NMRAL1: variants seen among roughly 807,000 people sequenced by gnomAD.
NMRAL1 encodes nmrA-like family domain-containing protein 1.
NMRAL1 carries 32 observed loss-of-function variants against 27.5 expected under a neutral mutation model. That is an observed-to-expected ratio of 1.16 (90% CI 0.88 to 1.56). The LOEUF (loss-of-function observed/expected upper bound fraction) is 1.56. Among genes scored for constraint, NMRAL1 ranks in the 40% most tolerant of loss-of-function variants. The pLI, the probability that NMRAL1 is intolerant of heterozygous loss-of-function variation, is 0.00. For synonymous variants in NMRAL1, 166 were observed against 166.8 expected (o/e 1.00, Z 0.04); for missense variants, 420 against 392.0 (o/e 1.07, Z -0.60).
intron 2 of NMRAL1, among the ~76,000 whole-genome samples, chr16:4,472,669 G>C (rs1432883608): frequency 1.3e-5 from 2 of 151,252 alleles, no homozygotes; most frequent in African/African-American, 4.9e-5. Context: ...GCTTGAACCC[G>C]AGTGGCAGAA....
intron 2 of NMRAL1, among the ~76,000 whole-genome samples, chr16:4,471,799 A>G (rs2057577207): frequency 6.6e-6 from 1 of 151,976 alleles, no homozygotes; most frequent in African/African-American, 2.4e-5. Context: ...GAGGCCGGGC[A>G]CAGTAGCTCA....
At chr16:4,465,566 TTTTGTTTTG>T (rs2057289885) in intron 4 of NMRAL1, among the ~76,000 whole-genome samples, 1 of 152,130 alleles carries the variant, frequency 6.6e-6, no homozygotes, top group African/African-American at 2.4e-5. Context: ...TTTTGTTTTG[TTTTGTTTTG>T]TTTGTTTTGA....
At chr16:4,464,827 T>C (rs1327100609) in intron 4 of NMRAL1, among the ~76,000 whole-genome samples, 1 of 151,654 alleles carries the variant, frequency 6.6e-6, no homozygotes, top group Non-Finnish European at 1.5e-5. Context: ...AAGTTAGCCA[T>C]GATGGTCTCG....
intron 2 of NMRAL1, among the ~76,000 whole-genome samples, chr16:4,470,278 C>T (rs1340312963): frequency 1.3e-5 from 2 of 150,504 alleles, no homozygotes; most frequent in African/African-American, 2.5e-5. Context: ...GAGAACAGCC[C>T]GACCAACATG....
At position 4,463,653 on chromosome 16, in the gene NMRAL1, G is replaced by A; in HGVS notation, c.720+7C>T. 1.2e-6 allele frequency: 2 copies of A among 1,612,392 alleles called. No homozygotes were observed. Among genetic ancestry groups the A allele is most frequent in the Non-Finnish European group, 1.7e-6 (2 of 1,179,848 alleles). ...GATGCCTGAGTCACCTGGGGCGGGA[G>A]GCCCACCTTGGCATCGTGCACGACC... On this transcript the variant is annotated splice_region_variant and intron_variant, in intron 5 of 5. Coordinates refer to ENST00000283429, the MANE Select transcript of NMRAL1 (RefSeq NM_020677.6).
In NMRAL1 at chr16:4,471,265, A is replaced by C. The variant is rs914693654; in HGVS notation, c.41-1800T>G. 4.5e-4 allele frequency: 69 copies of C among 152,212 alleles called. 1 individual carries two copies. Among genetic ancestry groups the C allele is most frequent in the Admixed American group, 4.4e-3 (67 of 15,266 alleles). 9.4% of individuals were successfully genotyped at this position (152,212 alleles called of 1,614,324 possible). The stretch of plus-strand genomic sequence containing the variant: ...GAAAGGAATACAAAAACTTATTCAG[A>C]TCTCGATGGAGCTTGAGTCACACAG... On this transcript the variant is annotated intron_variant, in intron 2 of 5. Coordinates refer to ENST00000283429, the MANE Select transcript of NMRAL1 (RefSeq NM_020677.6).
At chr16:4,474,355 T>C in intron 1 of NMRAL1, 189 bp from the exon 2 acceptor site, 1 of 496,096 alleles carries the variant, frequency 2.0e-6, no homozygotes, top group Non-Finnish European at 3.6e-6. Flanking sequence ...CCCGATCCCC[T>C]CCTCCTTCCC....
At chr16:4,469,865 T>C (rs1391258908) in intron 2 of NMRAL1, among the ~76,000 whole-genome samples, 3 of 136,340 alleles carry the variant, frequency 2.2e-5, no homozygotes, top group African/African-American at 8.6e-5. Context: ...AGAATCTGTA[T>C]TAAAAAAAAA....
Position 4,461,979 on chromosome 16 carries a change from TC to T in NMRAL1, c.721-21del. 3 of 1,598,972 alleles carry T rather than the reference TC, an allele frequency of 1.9e-6. No homozygotes were observed. The highest frequency in any genetic ancestry group is 2.6e-6 in the Non-Finnish European group (3 of 1,171,624). ...AGTCATCTGGAAGCAGAGGAGCCTG[TC>T]GTGGCCGGCGTCCTCCAGTGCCCCG... On this transcript the variant is annotated intron_variant, in intron 5 of 5. Transcript: ENST00000283429.
intron 4 of NMRAL1, among the ~76,000 whole-genome samples, chr16:4,465,609 T>C (rs1258612810): frequency 6.6e-6 from 1 of 152,010 alleles, no homozygotes; most frequent in Non-Finnish European, 1.5e-5. Context: ...TCTTGTCGCC[T>C]AGGCTAGAGT....
Position 4,463,678 on chromosome 16 carries a change from C to T in NMRAL1, c.702G>A (p.Lys234=). Residue 234 remains lysine, a synonymous_variant, in exon 5 of 6, where the codon AAG becomes AAA. Coordinates refer to ENST00000283429, the MANE Select transcript of NMRAL1 (RefSeq NM_020677.6). ...GGCCCACCTTGGCATCGTGCACGAC[C>T]TTGCGGGTGTGCTTGGTGAGCAGGG... is the stretch of plus-strand genomic sequence containing the variant. ...YAALLTKHTR[K]VVHDAKMTPE... is the part of the protein sequence containing the mutation. The T allele has an allele frequency of 6.2e-7, 1 of 1,613,832 alleles. No individual in the cohort carries two copies. Among genetic ancestry groups the T allele is most frequent in the Non-Finnish European group, 8.5e-7 (1 of 1,180,004 alleles).
At chr16:4,466,738 A>T in intron 3 of NMRAL1, 1 of 305,784 alleles carries the variant, frequency 3.3e-6, no homozygotes, top group Non-Finnish European at 6.3e-6. Context: ...CACCCTGCCC[A>T]TGGAGCTCAG....
At chr16:4,467,658 C>T (rs563069265) in intron 3 of NMRAL1, among the ~76,000 whole-genome samples, 56 of 151,962 alleles carry the variant, frequency 3.7e-4, no homozygotes, top group African/African-American at 1.3e-3. Context: ...CTAGCTCTGT[C>T]GCTCAGGCCG....
chr16:4,471,611 C>T (rs901984300), intron 2 of NMRAL1, among the ~76,000 whole-genome samples: 45 of 144,992 alleles, frequency 3.1e-4, no homozygotes, highest in Middle Eastern at 7.0e-3. Flanking sequence ...AGAGTAAGGC[C>T]CTGTCTCCAA....
upstream of NMRAL1, chr16:4,476,046 C>G (rs549580465): frequency 2.2e-4 from 34 of 152,384 alleles, no homozygotes; most frequent in African/African-American, 8.2e-4. Flanking sequence ...AGTTGAGACT[C>G]AGTTTCGCAG....
chr16:4,469,076 C>T (rs1360274536), intron 3 of NMRAL1, 151 bp downstream of exon 3: 15 of 645,730 alleles, frequency 2.3e-5, no homozygotes, highest in South Asian at 1.8e-4. Context: ...AAAGCAACAG[C>T]GTCCACCTGC....
intron 3 of NMRAL1, 47 bp downstream of exon 3, chr16:4,469,180 T>G: frequency 7.3e-7 from 1 of 1,369,114 alleles, no homozygotes; most frequent in Non-Finnish European, 1.0e-6. Flanking sequence ...CCAGGCGCTC[T>G]GCTCCTAGCC....
At chr16:4,468,615 C>CAAAA (rs59245472) in intron 3 of NMRAL1, among the ~76,000 whole-genome samples, 3,248 of 127,894 alleles carry the variant, frequency 0.025, 157 homozygotes, top group African/African-American at 0.1. Flanking sequence ...GACTCAGTCT[C>CAAAA]AAAAAAAAAA....
Position 4,469,554 on chromosome 16 carries a change from C to T in NMRAL1, c.41-89G>A, listed in dbSNP as rs960137265. 4 of 1,567,768 alleles carry T rather than the reference C, an allele frequency of 2.6e-6. No individual in the cohort carries two copies. The African/African-American group carries it at 4.1e-5, about 16-fold the overall frequency. The stretch of plus-strand genomic sequence containing the variant: ...CCCCGAAGGGAGTGCTCCACCACAG[C>T]AAGGAGCATCCAGGAAACCTTCTCA... On this transcript the variant is annotated intron_variant, in intron 2 of 5. Coordinates refer to ENST00000283429, the MANE Select transcript of NMRAL1 (RefSeq NM_020677.6).
Sources: allele counts gnomAD v4.1 joint callset (sites outside exome capture counted in the v4.1 genomes callset), GRCh38; gene constraint gnomAD v4.1.1; transcripts MANE v1.5; gene names NCBI Gene and HGNC (gene_info 2026-07-23, HGNC 2026-07-21).